KSR2: variants seen among roughly 807,000 people sequenced by gnomAD.
KSR2 encodes kinase suppressor of ras 2.
Under a neutral mutation model 107.8 loss-of-function variants are expected in KSR2, and 25 were observed. The observed-to-expected ratio is 0.23, with a 90% confidence interval of 0.17 to 0.32. The LOEUF (loss-of-function observed/expected upper bound fraction) is 0.32, where lower values mean the gene tolerates loss of function less well. Among genes scored for constraint, KSR2 ranks in the 10% least tolerant of loss-of-function variants. The pLI is 1.00. For synonymous variants in KSR2, 480 were observed against 507.0 expected, an observed-to-expected ratio of 0.95 and a Z score of 0.71; for missense variants, 887 against 1,268.9, an observed-to-expected ratio of 0.70 and a Z score of 4.57.
intron 5 of KSR2, among the ~76,000 whole-genome samples, chr12:117,609,934 A>G (rs1324822671): frequency 6.6e-6 from 1 of 152,100 alleles, no homozygotes; most frequent in Non-Finnish European, 1.5e-5. Context: ...TACAATATCT[A>G]CTACCTGTCC....
intron 3 of KSR2, among the ~76,000 whole-genome samples, chr12:117,819,945 G>T (rs1447702542): frequency 1.3e-5 from 2 of 152,088 alleles, no homozygotes; most frequent in African/African-American, 2.4e-5. Context: ...AGCCTAAAAG[G>T]TTTTATAATT....
intron 1 of KSR2, among the ~76,000 whole-genome samples, chr12:117,967,775 A>G (rs1284529450): frequency 2.0e-5 from 3 of 152,148 alleles, no homozygotes; most frequent in Non-Finnish European, 4.4e-5. Flanking sequence ...GAGGAAGCGA[A>G]TGACAACGGT....
At chr12:117,637,675 G>GTTTTTTTT (rs56169273) in intron 5 of KSR2, among the ~76,000 whole-genome samples, 2,591 of 91,816 alleles carry the variant, frequency 0.028, 486 homozygotes, top group East Asian at 0.14. Context: ...TCAGTTTTGG[G>GTTTTTTTT]TTTTTTTTTT....
intron 9 of KSR2, among the ~76,000 whole-genome samples, chr12:117,553,841 C>G (rs1400617120): frequency 6.6e-6 from 1 of 150,540 alleles, no homozygotes; most frequent in Non-Finnish European, 1.5e-5. Context: ...CCTTCCCTCC[C>G]CTCTCCTCTC....
chr12:117,801,048 C>T (rs898658886), intron 3 of KSR2, among the ~76,000 whole-genome samples: 11 of 152,140 alleles, frequency 7.2e-5, no homozygotes, highest in African/African-American at 2.4e-4. Flanking sequence ...AATAGCGCTG[C>T]AATAAGCATA....
intron 7 of KSR2, among the ~76,000 whole-genome samples, chr12:117,559,629 CGGTGCCAGGTATTAAGT>C (rs1877970089): frequency 1.3e-5 from 2 of 152,118 alleles, no homozygotes; most frequent in African/African-American, 4.8e-5. Flanking sequence ...ATAATGAAAT[CGGTGCCAGGTATTAAGT>C]TTTAGAGGCA....
chr12:117,609,821 C>T (rs1881494919), intron 5 of KSR2, among the ~76,000 whole-genome samples: 1 of 152,288 alleles, frequency 6.6e-6, no homozygotes, highest in African/African-American at 2.4e-5. Flanking sequence ...ACTGGCATTC[C>T]ACTGCATTCT....
At chr12:117,735,890 T>G (rs1299248264) in intron 4 of KSR2, among the ~76,000 whole-genome samples, 1 of 152,168 alleles carries the variant, frequency 6.6e-6, no homozygotes, top group South Asian at 2.1e-4. Flanking sequence ...AATGACAGAA[T>G]TTAGGGCTTT....
At chr12:117,709,436 A>G (rs1886662765) in intron 4 of KSR2, among the ~76,000 whole-genome samples, 1 of 152,054 alleles carries the variant, frequency 6.6e-6, no homozygotes. Flanking sequence ...TGATCCTCCC[A>G]TCTCAGTCTC....
chr12:117,570,647 G>A (rs913513030), intron 7 of KSR2, among the ~76,000 whole-genome samples: 1 of 152,136 alleles, frequency 6.6e-6, no homozygotes, highest in Non-Finnish European at 1.5e-5. Context: ...ATATAAAGTC[G>A]GGTTTTGCAA....
At chr12:117,962,176 T>G (rs551954623) in intron 1 of KSR2, among the ~76,000 whole-genome samples, 1 of 137,246 alleles carries the variant, frequency 7.3e-6, no homozygotes, top group Admixed American at 7.3e-5. Context: ...AAAGCTACAA[T>G]ACCCTTGCTA....
chr12:117,713,240 A>T (rs1410657389), intron 4 of KSR2, among the ~76,000 whole-genome samples: 1 of 151,876 alleles, frequency 6.6e-6, no homozygotes, highest in Non-Finnish European at 1.5e-5. Context: ...GATATATCTA[A>T]GTAGACAGAT....
At position 117,579,203 on chromosome 12, in the gene KSR2, CTG is replaced by C; in HGVS notation, c.1242-3_1242-2del. 1 of 1,611,758 alleles carries C rather than the reference CTG, an allele frequency of 6.2e-7. No homozygotes were observed. The highest frequency in any genetic ancestry group is 8.5e-7 in the Non-Finnish European group (1 of 1,178,234). On this transcript the variant is annotated splice_acceptor_variant and splice_polypyrimidine_tract_variant and intron_variant, in intron 6 of 19. Transcript: ENST00000339824. LOFTEE classifies it high-confidence loss of function. ...AGACATCCAGTACTTGGTGGAAAACCTGTGGAAAAGAGACAGAAAATGTTCAA... is the reference window on the plus strand; with the variant it reads ...AGACATCCAGTACTTGGTGGAAAACCTGGAAAAGAGACAGAAAATGTTCAA...
chr12:117,968,534 T>C lies in KSR2; in HGVS notation c.-279A>G. On this transcript the variant is annotated 5_prime_UTR_variant, in exon 1 of 20. Coordinates refer to ENST00000339824, the MANE Select transcript of KSR2 (RefSeq NM_173598.6). ...TGGTCCCTGAAAAGGAGAGATGCTG[T>C]TTCTCAGAAGCAAACCAGGTGATGT... The C allele has an allele frequency of 8.3e-7, 1 of 1,208,620 alleles. No individual in the cohort carries two copies. The highest frequency in any genetic ancestry group is 1.0e-6 in the Non-Finnish European group (1 of 974,026). The allele number at this position is 1,208,620 out of a possible 1,614,324, so 74.9% of individuals were successfully genotyped here. A position where few individuals can be genotyped will look rare whatever the true frequency, so the allele number is the denominator to read the frequency against.
In KSR2 at chr12:117,879,838, T is replaced by C. The variant is rs542766237; in HGVS notation, c.181-19407A>G. On this transcript the variant is annotated intron_variant, in intron 1 of 19. Transcript: ENST00000339824. ...ACATTATATAAAATCTCCTTATACC[T>C]GATTGCTGGATTTTGTTAGATTTAT... is the stretch of plus-strand genomic sequence containing the variant. Among the ~76,000 whole-genome samples the C allele has an allele frequency of 1.6e-4, 24 of 152,376 alleles. 1 individual carries two copies. The highest frequency in any genetic ancestry group is 5.3e-4 in the African/African-American group (22 of 41,586).
chr12:117,650,911 G>T (rs1267272789), intron 5 of KSR2, among the ~76,000 whole-genome samples: 1 of 152,144 alleles, frequency 6.6e-6, no homozygotes, highest in Non-Finnish European at 1.5e-5. Flanking sequence ...CTGAAATTGT[G>T]GAAAAACAGA....
At chr12:117,522,794 C>G (rs1254701505) in intron 14 of KSR2, among the ~76,000 whole-genome samples, 1 of 152,194 alleles carries the variant, frequency 6.6e-6, no homozygotes, top group East Asian at 1.9e-4. Flanking sequence ...CCAGCAGACA[C>G]ACAGATGAGG....
chr12:117,469,901 C>A, intron 18 of KSR2, 106 bp from the exon 19 acceptor site: 1 of 1,057,490 alleles, frequency 9.5e-7, no homozygotes, highest in Non-Finnish European at 1.4e-6. Context: ...GCCCCATTTC[C>A]ATATTCCTCC....
intron 3 of KSR2, among the ~76,000 whole-genome samples, chr12:117,817,888 G>A (rs1314857508): frequency 6.6e-6 from 1 of 152,108 alleles, no homozygotes; most frequent in East Asian, 1.9e-4. Flanking sequence ...ATCACTTGAG[G>A]TCAGGAGTTC....
Sources: gnomAD v4.1 joint callset for allele counts (sites outside exome capture counted in the v4.1 genomes callset) on GRCh38, gnomAD v4.1.1 for gene constraint, MANE v1.5 for transcripts, NCBI Gene and HGNC (gene_info 2026-07-23, HGNC 2026-07-21) for gene names.